The following PCDHGA9 variants were observed in gnomAD, a reference collection of about 807,000 sequenced individuals.
The protein encoded by PCDHGA9 is protocadherin gamma subfamily A, 9.
A neutral mutation model predicts 62.5 loss-of-function variants in PCDHGA9; 37 were observed. That is an observed-to-expected ratio of 0.59 (90% CI 0.46 to 0.78). The LOEUF is 0.78. PCDHGA9 is among the 30% of genes least tolerant of loss of function. The probability of loss-of-function intolerance (pLI) is 0.00; values close to 1 mark genes in which losing one functional copy is unlikely to be tolerated. For synonymous variants in PCDHGA9, 459 were observed against 484.6 expected, an observed-to-expected ratio of 0.95 and a Z score of 0.69; for missense variants, 1,138 against 1,166.2, an observed-to-expected ratio of 0.98 and a Z score of 0.35.
intron 1 of PCDHGA9, chr5:141,433,087 A>G (rs769187557): frequency 6.2e-7 from 1 of 1,614,206 alleles, no homozygotes. Context: ...CCAACTATGC[A>G]GACATGCTCG....
chr5:141,422,975 C>T (rs751065595), intron 1 of PCDHGA9: 130 of 1,614,092 alleles, frequency 8.1e-5, no homozygotes, highest in Non-Finnish European at 1.0e-4. Context: ...CCCCGCTCTG[C>T]GGAACCTGGC....
chr5:141,476,952 T>A lies in PCDHGA9; in HGVS notation c.2425-17855T>A, dbSNP rs1463851594. On this transcript the variant is annotated intron_variant, in intron 1 of 3. Transcript: ENST00000573521. This position sits in a 1 kb window ranked among gnomAD's most constrained non-coding sequence, Gnocchi z 7.6. ...CTGGATGAAGGCCCCAACGGTGAAA[T>A]TATTTACTCCTTCGGCAGCCACAAC... 1 of 1,614,052 alleles carries A rather than the reference T, an allele frequency of 6.2e-7. No individual in the cohort carries two copies. Among genetic ancestry groups the A allele is most frequent in the Non-Finnish European group, 8.5e-7 (1 of 1,180,038 alleles).
chr5:141,413,170 A>G, intron 1 of PCDHGA9: 1 of 1,595,602 alleles, frequency 6.3e-7, no homozygotes, highest in Non-Finnish European at 8.5e-7. Flanking sequence ...CTGTAACCAG[A>G]CTACAATGGC....
rs768383792 is a variant in PCDHGA9 at position 141,476,155 on chromosome 5, C to A, written c.2425-18652C>A. 1.2e-6 allele frequency: 2 copies of A among 1,612,382 alleles called. No homozygotes were observed. Among genetic ancestry groups the A allele is most frequent in the Non-Finnish European group, 1.7e-6 (2 of 1,179,764 alleles). On this transcript the variant is annotated intron_variant, in intron 1 of 3. Coordinates refer to ENST00000573521, the MANE Select transcript of PCDHGA9 (RefSeq NM_018921.3). This position sits in a 1 kb window ranked among gnomAD's most constrained non-coding sequence, Gnocchi z 7.6. ...CCTGGAGGAGCGGACTGGTAAGCAC[C>A]GGGAGGGTAGTGGGAGTTTTGCTTC... is the stretch of plus-strand genomic sequence containing the variant.
chr5:141,418,041 T>C lies in PCDHGA9; in HGVS notation c.2424+12665T>C, dbSNP rs764313049. The C allele has an allele frequency of 1.2e-6, 2 of 1,613,858 alleles. No individual in the cohort carries two copies. Among genetic ancestry groups the C allele is most frequent in the Non-Finnish European group, 1.7e-6 (2 of 1,179,856 alleles). On this transcript the variant is annotated intron_variant, in intron 1 of 3. Transcript: ENST00000573521. ...GATCTAGGGCTTAGTGTCCTGGATG[T>C]GTCGGCTCGCGAGCTGCGAGTGAGC... is the stretch of plus-strand genomic sequence containing the variant.
chr5:141,423,434 T>C, intron 1 of PCDHGA9: 1 of 1,614,036 alleles, frequency 6.2e-7, no homozygotes, highest in Non-Finnish European at 8.5e-7. Flanking sequence ...TTGGCAGGTA[T>C]GCCCACGTCA....
chr5:141,490,923 C>T lies in PCDHGA9; in HGVS notation c.2425-3884C>T. The T allele has an allele frequency of 6.2e-7, 1 of 1,613,668 alleles. No homozygotes were observed. Among genetic ancestry groups the T allele is most frequent in the South Asian group, 1.1e-5 (1 of 91,050 alleles). On this transcript the variant is annotated intron_variant, in intron 1 of 3. Coordinates refer to ENST00000573521, the MANE Select transcript of PCDHGA9 (RefSeq NM_018921.3). The surrounding 1 kb of genome is among the most constrained non-coding windows in gnomAD (Gnocchi z 5.4). ...TTGTCCTAGACGAGAATGATAATGC[C>T]CCAGCTGTGCTGCACCCACGGCCAG...
At chr5:141,409,325 G>A (rs2095255437) in intron 1 of PCDHGA9, 1 of 1,613,984 alleles carries the variant, frequency 6.2e-7, no homozygotes, top group Non-Finnish European at 8.5e-7. Context: ...ACGGGATCTG[G>A]ATTTCGGAGG....
At chr5:141,433,246 T>C (rs775015156) in intron 1 of PCDHGA9, 1 of 1,462,358 alleles carries the variant, frequency 6.8e-7, no homozygotes, top group Non-Finnish European at 9.3e-7. Flanking sequence ...CAAGCTGGAA[T>C]GCAGCGGTAC....
rs1205353926 is a variant in PCDHGA9 at position 141,477,969 on chromosome 5, T to A, written c.2425-16838T>A. 6.2e-7 allele frequency: 1 copy of A among 1,613,962 alleles called. No homozygotes were observed. Among genetic ancestry groups the A allele is most frequent in the Non-Finnish European group, 8.5e-7 (1 of 1,180,032 alleles). ...CTCTTGGGATCCCCTAACCAGAGCC[T>A]TTTTGCCATAGGGCTGCACACTGGT... On this transcript the variant is annotated intron_variant, in intron 1 of 3. Coordinates refer to ENST00000573521, the MANE Select transcript of PCDHGA9 (RefSeq NM_018921.3). The surrounding 1 kb of genome is among the most constrained non-coding windows in gnomAD (Gnocchi z 4.9).
In PCDHGA9 at chr5:141,431,149, G is replaced by A. The variant is rs150692324; in HGVS notation, c.2424+25773G>A. Reference sequence around the variant, plus strand: ...AAGTAAGGGACATTAACGACAATGCGCCTTACTTTCGTGAAAGTGAATTAG... The same window carrying A: ...AAGTAAGGGACATTAACGACAATGCACCTTACTTTCGTGAAAGTGAATTAG... On this transcript the variant is annotated intron_variant, in intron 1 of 3. Coordinates refer to ENST00000573521, the MANE Select transcript of PCDHGA9 (RefSeq NM_018921.3). This position sits in a 1 kb window ranked among gnomAD's most constrained non-coding sequence, Gnocchi z 4.8. The A allele has an allele frequency of 3.7e-4, 605 of 1,614,210 alleles. No individual in the cohort carries two copies. Among genetic ancestry groups the A allele is most frequent in the Non-Finnish European group, 4.7e-4 (552 of 1,180,020 alleles).
At chr5:141,413,329 A>G (rs762420040) in intron 1 of PCDHGA9, 1 of 1,613,966 alleles carries the variant, frequency 6.2e-7, no homozygotes, top group Non-Finnish European at 8.5e-7. Context: ...CGTGGGCAAC[A>G]TCTCCAAGGA....
rs2098293800 is a variant in PCDHGA9 at position 141,442,043 on chromosome 5, A to G, written c.2424+36667A>G. The G allele has an allele frequency of 1.9e-5, 4 of 205,506 alleles. No homozygotes were observed. In the South Asian group the frequency reaches 2.4e-4, roughly 12 times the overall value. The allele number at this position is 205,506 out of a possible 1,614,324, so 12.7% of individuals were successfully genotyped here. A position where few individuals can be genotyped will look rare whatever the true frequency, so the allele number is the denominator to read the frequency against. On this transcript the variant is annotated intron_variant, in intron 1 of 3. Transcript: ENST00000573521. ...ACAGGAAAGCGACTCGCCAGCGCCTACTGGTCGCGGTGCACTGCGGTGGAC... is the reference window on the plus strand; with the variant it reads ...ACAGGAAAGCGACTCGCCAGCGCCTGCTGGTCGCGGTGCACTGCGGTGGAC...
At chr5:141,408,192 C>A (rs2095055859) in intron 1 of PCDHGA9, 1 of 1,545,004 alleles carries the variant, frequency 6.5e-7, no homozygotes, top group South Asian at 1.2e-5. Flanking sequence ...CAGCGAGAAC[C>A]CGAGCGAACG....
At chr5:141,501,329 ACACACC>A (rs1456568693) in intron 2 of PCDHGA9, among the ~76,000 whole-genome samples, 16 of 148,226 alleles carry the variant, frequency 1.1e-4, no homozygotes, top group Non-Finnish European at 2.2e-4. Context: ...ACACACACAC[ACACACC>A]CCAAACTCAA....
chr5:141,445,302 A>C (rs2098462947), intron 1 of PCDHGA9, among the ~76,000 whole-genome samples: 1 of 152,220 alleles, frequency 6.6e-6, no homozygotes, highest in African/African-American at 2.4e-5. Flanking sequence ...CATTCTCTTC[A>C]GTTTGTAGGT....
chr5:141,498,273 A>G (rs1595516143), intron 2 of PCDHGA9, among the ~76,000 whole-genome samples: 1 of 152,038 alleles, frequency 6.6e-6, no homozygotes, highest in East Asian at 1.9e-4. Flanking sequence ...TCTTCAGTAA[A>G]CTTGGTTCAA....
At chr5:141,409,573 C>T (rs562811168) in intron 1 of PCDHGA9, 4 of 1,613,934 alleles carry the variant, frequency 2.5e-6, no homozygotes, top group African/African-American at 2.7e-5. Flanking sequence ...AGACGTCCTA[C>T]GTGGTCCACG....
intron 1 of PCDHGA9, chr5:141,412,984 C>A: frequency 1.8e-6 from 1 of 558,874 alleles, no homozygotes; most frequent in Non-Finnish European, 3.0e-6. Context: ...GCAGCCAGAG[C>A]TCAATCCGGA....
Sources: allele counts gnomAD v4.1 joint callset (sites outside exome capture counted in the v4.1 genomes callset), GRCh38; gene constraint gnomAD v4.1.1; non-coding constraint Gnocchi (gnomAD v3.1); transcripts MANE v1.5; gene names NCBI Gene and HGNC (gene_info 2026-07-23, HGNC 2026-07-21).